Variants in CCDC18 observed in about 807,000 individuals in gnomAD.
CCDC18 encodes the protein coiled-coil domain-containing protein 18.
In CCDC18, 157 loss-of-function variants were observed where a neutral mutation model predicts 196.0. The ratio of observed to expected loss-of-function variants is 0.80; its 90% CI spans 0.70 to 0.91. The LOEUF is 0.91. Among genes scored for constraint, CCDC18 ranks in the 40% least tolerant of loss-of-function variants. CCDC18 has a pLI of 0.00. For missense variants in CCDC18, 1,465 were observed against 1,611.6 expected, an observed-to-expected ratio of 0.91 and a Z score of 1.56; for synonymous variants, 482 against 529.2, an observed-to-expected ratio of 0.91 and a Z score of 1.22.
chr1:93,239,724 C>G lies in CCDC18; in HGVS notation c.2809C>G (p.Leu937Val). 2 of 1,613,658 alleles carry G rather than the reference C, an allele frequency of 1.2e-6. No homozygotes were observed. Among genetic ancestry groups the G allele is most frequent in the South Asian group, 1.1e-5 (1 of 91,066 alleles). Reference protein sequence around the residue: ...EKLQHSTETELTEALQKREVL... With the variant: ...EKLQHSTETEVTEALQKREVL... ...GTTACAGCACAGTACTGAAACTGAA[C>G]TAACAGAAGCCTTGCAAAAACGGGA... The change falls in exon 21 of 29, where the codon CTA becomes GTA. Residue 937 changes from leucine (L) to valine (V), a missense_variant. Leu to Val is a conservative substitution (Grantham distance 32). Transcript: ENST00000690025.
At chr1:93,180,361 T>C (rs1557584287), upstream of CCDC18, 2 of 1,345,282 alleles carry the variant, frequency 1.5e-6, no homozygotes, top group African/African-American at 3.0e-5. Context: ...AAACTCCAGG[T>C]GGCGGCCGCG....
At chr1:93,275,891 G>A (rs1301913827) in intron 28 of CCDC18, among the ~76,000 whole-genome samples, 1 of 152,220 alleles carries the variant, frequency 6.6e-6, no homozygotes, top group Non-Finnish European at 1.5e-5. Flanking sequence ...GGTATGATGA[G>A]TGACAAAAGT....
intron 3 of CCDC18, among the ~76,000 whole-genome samples, chr1:93,185,136 C>T (rs936390639): frequency 1.3e-5 from 2 of 151,874 alleles, no homozygotes; most frequent in Admixed American, 6.6e-5. Flanking sequence ...CAATTTCACT[C>T]ATAATAAGAT....
At chr1:93,235,848 A>C (rs1163841485) in intron 18 of CCDC18, among the ~76,000 whole-genome samples, 1 of 152,158 alleles carries the variant, frequency 6.6e-6, no homozygotes, top group Non-Finnish European at 1.5e-5. Context: ...AACAGATTCA[A>C]GTTAAGATGG....
At chr1:93,191,411 T>C (rs1324935327) in intron 4 of CCDC18, among the ~76,000 whole-genome samples, 4 of 152,184 alleles carry the variant, frequency 2.6e-5, no homozygotes, top group South Asian at 2.1e-4. Flanking sequence ...TGGTTTTTCA[T>C]TGGGTCCTCA....
At chr1:93,273,581 ATT>A (rs1665475092) in intron 28 of CCDC18, 1 of 152,198 alleles carries the variant, frequency 6.6e-6, no homozygotes, top group Admixed American at 6.5e-5. Flanking sequence ...ATCTGGCATC[ATT>A]TGTTTCTGCC....
chr1:93,242,560 A>G (rs1660956320), intron 21 of CCDC18, among the ~76,000 whole-genome samples: 1 of 152,172 alleles, frequency 6.6e-6, no homozygotes, highest in African/African-American at 2.4e-5. Context: ...ACATTTCAAA[A>G]CAAATTATGC....
In CCDC18 at chr1:93,203,037, G is replaced by A. The variant is rs565840936; in HGVS notation, c.795+1049G>A. Among the ~76,000 whole-genome samples, 4 of 152,238 alleles carry A rather than the reference G, an allele frequency of 2.6e-5. No homozygotes were observed. The South Asian group carries it at 8.3e-4, about 32-fold the overall frequency. On this transcript the variant is annotated intron_variant, in intron 7 of 28. Transcript: ENST00000690025. ...AAAATGATCAAAATCTATGTTCTAGGAAGCTCACCCTGATGTCATGTGAAG... is the reference window on the plus strand; with the variant it reads ...AAAATGATCAAAATCTATGTTCTAGAAAGCTCACCCTGATGTCATGTGAAG...
intron 1 of CCDC18, among the ~76,000 whole-genome samples, chr1:93,182,757 A>C (rs1649949755): frequency 6.6e-6 from 1 of 152,172 alleles, no homozygotes; most frequent in Non-Finnish European, 1.5e-5. Context: ...TGTCTTTTTA[A>C]AATTTTATAA....
At chr1:93,206,982 G>A (rs1389435312) in intron 8 of CCDC18, 125 bp from the exon 9 acceptor site, 2 of 543,898 alleles carry the variant, frequency 3.7e-6, no homozygotes, top group African/African-American at 3.9e-5. Flanking sequence ...TAGGTATTTA[G>A]TAAATGTGAG....
chr1:93,205,396 T>G, intron 7 of CCDC18, 114 bp from the exon 8 acceptor site: 1 of 878,908 alleles, frequency 1.1e-6, no homozygotes, highest in Non-Finnish European at 1.7e-6. Context: ...CTTAAATGTA[T>G]GAAATTCTTA....
chr1:93,254,141 CTTTTA>C (rs1662622270), intron 23 of CCDC18, among the ~76,000 whole-genome samples: 2 of 152,132 alleles, frequency 1.3e-5, no homozygotes, highest in African/African-American at 2.4e-5. Flanking sequence ...ACAACTTCTA[CTTTTA>C]TTTATTTTAA....
intron 16 of CCDC18, among the ~76,000 whole-genome samples, chr1:93,224,736 T>G (rs184765918): frequency 5.2e-5 from 8 of 152,396 alleles, no homozygotes; most frequent in African/African-American, 1.9e-4. Context: ...TCAATAACCT[T>G]ATAATCAATG....
intron 17 of CCDC18, among the ~76,000 whole-genome samples, chr1:93,229,705 T>C (rs1031472107): frequency 1.3e-5 from 2 of 152,246 alleles, no homozygotes; most frequent in Admixed American, 6.5e-5. Context: ...TTTCCGGATG[T>C]TGAAATAAAT....
rs1291091591 is a variant in CCDC18, at chr1:93,207,136, A to G, written c.947A>G (p.Lys316Arg). 6.5e-7 allele frequency: 1 copy of G among 1,529,944 alleles called. No individual in the cohort carries two copies. The highest frequency in any genetic ancestry group is 8.8e-7 in the Non-Finnish European group (1 of 1,131,446). The allele number at this position is 1,529,944 out of a possible 1,614,324, so 94.8% of individuals were successfully genotyped here. Residue 316 changes from lysine (K) to arginine (R), a missense_variant, in exon 9 of 29, where the codon AAA becomes AGA. Lys to Arg is a conservative substitution (Grantham distance 26, BLOSUM62 2). Transcript: ENST00000690025. ...RQLKEENNNGKEKLRIMAVKN... is the reference protein window; with the variant it reads ...RQLKEENNNGREKLRIMAVKN... ...TTAAAAGAAGAAAATAACAACGGAAAAGAAAAATTAAGGATCATGGCAGTG... is the reference window on the plus strand; with the variant it reads ...TTAAAAGAAGAAAATAACAACGGAAGAGAAAAATTAAGGATCATGGCAGTG...
chr1:93,220,076 G>A (rs569728550), intron 14 of CCDC18, among the ~76,000 whole-genome samples: 1 of 152,138 alleles, frequency 6.6e-6, no homozygotes, highest in African/African-American at 2.4e-5. Context: ...AAATCAAAGA[G>A]AACTACTTCT....
intron 18 of CCDC18, among the ~76,000 whole-genome samples, chr1:93,234,934 AGAGTGTGTGTGT>A (rs1659822497): frequency 5.9e-5 from 4 of 67,876 alleles, no homozygotes; most frequent in East Asian, 6.3e-4. Context: ...TGCCCAGCTA[AGAGTGTGTGTGT>A]GTGTGTGTGT....
intron 5 of CCDC18, among the ~76,000 whole-genome samples, chr1:93,192,468 C>T (rs1033353128): frequency 1.3e-5 from 2 of 152,148 alleles, no homozygotes; most frequent in African/African-American, 4.8e-5. Flanking sequence ...GGTCTCACTG[C>T]GTCACCTAGG....
At chr1:93,205,427 C>T (rs925648096) in intron 7 of CCDC18, 83 bp from the exon 8 acceptor site, 36 of 1,207,420 alleles carry the variant, frequency 3.0e-5, no homozygotes, top group Non-Finnish European at 3.8e-5. Flanking sequence ...CTGCTTATTT[C>T]TGAAATCACT....
Sources: gnomAD v4.1 joint callset for allele counts (sites outside exome capture counted in the v4.1 genomes callset) on GRCh38, gnomAD v4.1.1 for gene constraint, MANE v1.5 for transcripts, NCBI Gene and HGNC (gene_info 2026-07-23, HGNC 2026-07-21) for gene names.